Variants in C10orf67 observed in about 807,000 individuals in gnomAD.
C10orf67 encodes chromosome 10 open reading frame 67.
C10orf67 carries 60 observed loss-of-function variants against 35.6 expected under a neutral mutation model. The observed-to-expected ratio is 1.68, with a 90% confidence interval of 1.37 to 2.09. The LOEUF is 2.09. Ranked by LOEUF, C10orf67 falls within the 30% of genes most tolerant of loss-of-function variation. The pLI is 0.00. For missense variants in C10orf67, 474 were observed against 330.2 expected, an observed-to-expected ratio of 1.44 and a Z score of -3.38; for synonymous variants, 167 against 115.8, an observed-to-expected ratio of 1.44 and a Z score of -2.84.
In C10orf67 at chr10:23,282,063, C is replaced by G. The variant is rs573514954; in HGVS notation, c.925G>C (p.Asp309His). The change falls in exon 8 of 16, where the codon GAC (aspartate) becomes CAC (histidine). Residue 309 changes from aspartate to histidine, a missense_variant. By Grantham distance (81) the Asp-to-His change is moderately conservative. Coordinates refer to ENST00000636213, the MANE Select transcript of C10orf67 (RefSeq NM_001371909.1). Reference protein sequence around the residue: ...KTIQKLMDSRDRLREELHYEK... With the variant: ...KTIQKLMDSRHRLREELHYEK... The stretch of plus-strand genomic sequence containing the variant: ...TAATGAAGCTCTTCTCTTAATCTGT[C>G]TCTACTATCCATTAACTGAAATAGA... 1.7e-6 allele frequency: 1 copy of G among 596,290 alleles called. No individual in the cohort carries two copies. The highest frequency in any genetic ancestry group is 3.0e-6 in the Non-Finnish European group (1 of 329,772). The allele number at this position is 596,290 out of a possible 1,614,324, so 36.9% of individuals were successfully genotyped here. A position where few individuals can be genotyped will look rare whatever the true frequency, so the allele number is the denominator to read the frequency against.
intron 12 of C10orf67, among the ~76,000 whole-genome samples, chr10:23,242,259 A>G (rs890729426): frequency 1.3e-5 from 2 of 152,140 alleles, no homozygotes; most frequent in Non-Finnish European, 2.9e-5. Flanking sequence ...GTGAGCCACC[A>G]TGCCCGGCCT....
intron 15 of C10orf67, among the ~76,000 whole-genome samples, chr10:23,217,571 C>T (rs2037046072): frequency 6.6e-6 from 1 of 152,142 alleles, no homozygotes; most frequent in Admixed American, 6.6e-5. Context: ...CAATATCAGT[C>T]TGCAACCAGG....
chr10:23,270,256 C>T (rs974631641), intron 8 of C10orf67, among the ~76,000 whole-genome samples: 3 of 152,166 alleles, frequency 2.0e-5, no homozygotes, highest in Admixed American at 6.5e-5. Flanking sequence ...GGTGATGGTC[C>T]ACCCAGAAGT....
intron 4 of C10orf67, among the ~76,000 whole-genome samples, chr10:23,305,123 T>C (rs181355852): frequency 7.9e-5 from 12 of 152,240 alleles, no homozygotes; most frequent in African/African-American, 2.9e-4. Flanking sequence ...AACACGAACA[T>C]AAGGCTATAT....
chr10:23,274,182 A>G (rs569896347), intron 8 of C10orf67, among the ~76,000 whole-genome samples: 1 of 152,322 alleles, frequency 6.6e-6, no homozygotes, highest in African/African-American at 2.4e-5. Flanking sequence ...CAAAGGGCAG[A>G]GCAAGATCAC....
At chr10:23,337,028 C>T (rs1486672565) in intron 1 of C10orf67, among the ~76,000 whole-genome samples, 2 of 152,074 alleles carry the variant, frequency 1.3e-5, no homozygotes, top group African/African-American at 4.8e-5. Context: ...GAAGAAACAA[C>T]CACTGGCCAT....
chr10:23,283,146 A>G (rs746439393), intron 7 of C10orf67, among the ~76,000 whole-genome samples: 1 of 152,200 alleles, frequency 6.6e-6, no homozygotes, highest in Non-Finnish European at 1.5e-5. Flanking sequence ...TACACATTCT[A>G]TGCCTGTATC....
chr10:23,282,602 G>A (rs976756259), intron 7 of C10orf67, among the ~76,000 whole-genome samples: 3 of 151,948 alleles, frequency 2.0e-5, no homozygotes, highest in African/African-American at 4.8e-5. Flanking sequence ...AGGCTGAGGC[G>A]GGTGGATCAC....
rs1841074136 is a variant in C10orf67, at chr10:23,203,459, C to CGT, written c.*713_*714insAC. ...TAATCCAGAGCCTACGATTCAGATA[C>CGT]AGGCTCTTAACAAGGCCTTACTTGT... is the stretch of plus-strand genomic sequence containing the variant. On this transcript the variant is annotated 3_prime_UTR_variant, in exon 16 of 16. Coordinates refer to ENST00000636213, the MANE Select transcript of C10orf67 (RefSeq NM_001371909.1). 6.6e-6 allele frequency: 1 copy of CGT among 152,242 alleles called. No individual in the cohort carries two copies. Among genetic ancestry groups the CGT allele is most frequent in the Non-Finnish European group, 1.5e-5 (1 of 68,050 alleles). 9.4% of individuals were successfully genotyped at this position (152,242 alleles called of 1,614,324 possible).
chr10:23,212,666 C>T (rs914219734), intron 15 of C10orf67, among the ~76,000 whole-genome samples: 4 of 151,882 alleles, frequency 2.6e-5, no homozygotes, highest in Admixed American at 1.3e-4. Flanking sequence ...TCTTTAGGAC[C>T]CTTCATGTCA....
chr10:23,247,009 C>T (rs1842333715), intron 12 of C10orf67, among the ~76,000 whole-genome samples: 1 of 151,548 alleles, frequency 6.6e-6, no homozygotes, highest in South Asian at 2.1e-4. Context: ...TATAGCTGTA[C>T]AATATGTTTG....
At chr10:23,306,954 T>C (rs1844308647) in intron 4 of C10orf67, among the ~76,000 whole-genome samples, 1 of 152,222 alleles carries the variant, frequency 6.6e-6, no homozygotes, top group Non-Finnish European at 1.5e-5. Flanking sequence ...CCTACTTTAA[T>C]ATTCCTCTAG....
chr10:23,249,268 A>G (rs969831549), intron 12 of C10orf67, among the ~76,000 whole-genome samples: 9 of 152,102 alleles, frequency 5.9e-5, no homozygotes, highest in African/African-American at 2.2e-4. Context: ...AGAAATAAAT[A>G]AGAGAAAGTC....
chr10:23,286,452 GGGGAA>G (rs1345489465), intron 7 of C10orf67, among the ~76,000 whole-genome samples: 10 of 58,098 alleles, frequency 1.7e-4, no homozygotes, highest in South Asian at 8.0e-4. Flanking sequence ...GGTGAGGGGA[GGGGAA>G]GGGAAGGGAA....
intron 15 of C10orf67, among the ~76,000 whole-genome samples, chr10:23,221,998 C>G (rs778573313): frequency 6.6e-6 from 1 of 152,116 alleles, no homozygotes; most frequent in Non-Finnish European, 1.5e-5. Flanking sequence ...TTATCTTATG[C>G]CTCCTCTACA....
chr10:23,241,895 G>GAA (rs141870217), intron 12 of C10orf67, among the ~76,000 whole-genome samples: 1 of 149,546 alleles, frequency 6.7e-6, no homozygotes, highest in African/African-American at 2.4e-5. Flanking sequence ...ACCTAGACAT[G>GAA]AAAAAAAAGC....
intron 1 of C10orf67, among the ~76,000 whole-genome samples, chr10:23,343,577 C>T (rs982050565): frequency 1.3e-5 from 2 of 152,184 alleles, no homozygotes; most frequent in South Asian, 2.1e-4. Flanking sequence ...ATGAAGCAGG[C>T]ACTACTCTTC....
rs1307971171 is a variant in C10orf67 at position 23,333,130 on chromosome 10, T to C, written c.259A>G (p.Thr87Ala). 6.2e-7 allele frequency: 1 copy of C among 1,610,100 alleles called. No homozygotes were observed. The highest frequency in any genetic ancestry group is 8.5e-7 in the Non-Finnish European group (1 of 1,176,762). ...AGTATTTCACTGGAATCAGTTTGAGTGGCATGGTCTGTGCTGAAAAAGCCA... is the reference window on the plus strand; with the variant it reads ...AGTATTTCACTGGAATCAGTTTGAGCGGCATGGTCTGTGCTGAAAAAGCCA... ...KIGFFSTDHA[T>A]QTDSSEILSV... Residue 87 changes from threonine to alanine, a missense_variant, in exon 2 of 16, where the codon ACT becomes GCT. By Grantham distance (58) the Thr-to-Ala change is moderately conservative. Coordinates refer to ENST00000636213, the MANE Select transcript of C10orf67 (RefSeq NM_001371909.1).
rs74125107 is a variant in C10orf67 at position 23,318,426 on chromosome 10, A to T, written c.546+2315T>A. ...GCATGGTAGCTCAATTCAGGGAGGGACAATGTAGAGGGGAAACATTCAGAG... is the reference window on the plus strand; with the variant it reads ...GCATGGTAGCTCAATTCAGGGAGGGTCAATGTAGAGGGGAAACATTCAGAG... On this transcript the variant is annotated intron_variant, in intron 4 of 15. Transcript: ENST00000636213. The T allele has an allele frequency of 7.5e-3, 1,158 of 154,460 alleles. 14 individuals carry two copies. Among genetic ancestry groups the T allele is most frequent in the African/African-American group, 0.026 (1,099 of 41,592 alleles). The allele number at this position is 154,460 out of a possible 1,614,324, so 9.6% of individuals were successfully genotyped here.
Sources: allele counts gnomAD v4.1 joint callset (sites outside exome capture counted in the v4.1 genomes callset), GRCh38; gene constraint gnomAD v4.1.1; transcripts MANE v1.5; gene names NCBI Gene and HGNC (gene_info 2026-07-23, HGNC 2026-07-21).